TTN: variants seen among roughly 807,000 people sequenced by gnomAD.
The protein encoded by TTN is titin, also known as connectin.
TTN carries 1,525 observed loss-of-function variants against 3,223.0 expected under a neutral mutation model. The ratio of observed to expected loss-of-function variants is 0.47; its 90% CI spans 0.45 to 0.49. The LOEUF (loss-of-function observed/expected upper bound fraction) is 0.49. Ranked by LOEUF, TTN falls within the 20% of genes least tolerant of loss-of-function variation. The pLI, the probability that TTN is intolerant of heterozygous loss-of-function variation, is 0.00. For synonymous variants in TTN, 14,094 were observed against 15,161.0 expected (o/e 0.93, Z 5.17); for missense variants, 40,786 against 43,424.0 (o/e 0.94, Z 5.40).
At chr2:178,629,493 A>G in intron 239 of TTN, 50 bp from the exon 240 acceptor site, 1 of 1,609,126 alleles carries the variant, frequency 6.2e-7, no homozygotes, top group Non-Finnish European at 8.5e-7. Flanking sequence ...TGTAATCCCA[A>G]AAGAATAAAT....
chr2:178,537,763 T>G lies in TTN; in HGVS notation c.99444A>C (p.Lys33148Asn). Residue 33148 changes from lysine to asparagine, a missense_variant, in exon 355 of 363, where the codon AAA becomes AAC. Lys to Asn is a moderately conservative substitution (Grantham distance 94). Transcript: ENST00000589042. ...GKELIQSRKY[K>N]MSSDGRTHTL... Reference sequence around the variant, plus strand: ...TGTGTGTGCGTCCATCTGAAGACATTTTGTATTTCCGGCTTTGTATGAGCT... The same window carrying G: ...TGTGTGTGCGTCCATCTGAAGACATGTTGTATTTCCGGCTTTGTATGAGCT... The G allele has an allele frequency of 6.2e-7, 1 of 1,613,742 alleles. No individual in the cohort carries two copies. The highest frequency in any genetic ancestry group is 8.5e-7 in the Non-Finnish European group (1 of 1,179,738).
chr2:178,550,304 G>T, intron 336 of TTN, 31 bp from the exon 337 acceptor site: 1 of 1,561,740 alleles, frequency 6.4e-7, no homozygotes, highest in Non-Finnish European at 8.7e-7. Flanking sequence ...CTATGTATTA[G>T]TTTGGCTTAA....
Position 178,588,793 on chromosome 2 carries a change from C to T in TTN, c.62932G>A (p.Glu20978Lys). Residue 20978 changes from glutamate to lysine, a missense_variant, in exon 304 of 363, where the codon GAA (glutamate) becomes AAA (lysine). Coordinates refer to ENST00000589042, the MANE Select transcript of TTN (RefSeq NM_001267550.2). ...GGATTCCAAACCACAGTCATCTCTT[C>T]TTTGCTTACTTTAGTGACTTCTGGG... is the stretch of plus-strand genomic sequence containing the variant. Reference protein sequence around the residue: ...DPPEVTKVSKEEMTVVWNPPE... With the variant: ...DPPEVTKVSKKEMTVVWNPPE... 3 of 1,613,318 alleles carry T rather than the reference C, an allele frequency of 1.9e-6. No individual in the cohort carries two copies. Among genetic ancestry groups the T allele is most frequent in the Non-Finnish European group, 2.5e-6 (3 of 1,179,572 alleles).
rs17355460 is a variant in TTN at position 178,725,602 on chromosome 2, C to T, written c.20602G>A (p.Gly6868Arg). ...GATGCTTGTAATTCAGCAGGCTCTC[C>T]GGCTACAACAGTGAGGCTGTTCAGT... Reference protein sequence around the residue: ...SKLNSLTVVAGEPAELQASIE... With the variant: ...SKLNSLTVVAREPAELQASIE... The change falls in exon 71 of 363, where the codon GGA becomes AGA. Residue 6868 changes from glycine (G) to arginine (R), a missense_variant. Physicochemically the swap from Gly to Arg is moderately radical, Grantham distance 125. Coordinates refer to ENST00000589042, the MANE Select transcript of TTN (RefSeq NM_001267550.2). 0.016 allele frequency: 25,358 copies of T among 1,608,306 alleles called. 239 individuals are homozygous for T. Among genetic ancestry groups the T allele is most frequent in the Non-Finnish European group, 0.018 (21,775 of 1,177,092 alleles).
Position 178,580,097 on chromosome 2 carries a change from T to G in TTN, c.67190A>C (p.Glu22397Ala). 1 of 1,613,382 alleles carries G rather than the reference T, an allele frequency of 6.2e-7. No homozygotes were observed. Among genetic ancestry groups the G allele is most frequent in the Non-Finnish European group, 8.5e-7 (1 of 1,179,490 alleles). ...INYVVQKRDAERKSWSTVTTE... is the reference protein window; with the variant it reads ...INYVVQKRDAARKSWSTVTTE... ...TGTCACTGTAGACCAGGATTTCCTC[T>G]CTGCATCACGTTTTTGTACCACATA... The change falls in exon 318 of 363, where the codon GAG becomes GCG. Residue 22397 changes from glutamate (E) to alanine (A), a missense_variant. By Grantham distance (107) the Glu-to-Ala change is moderately radical. Coordinates refer to ENST00000589042, the MANE Select transcript of TTN (RefSeq NM_001267550.2).
intron 47 of TTN, chr2:178,745,013 T>A: frequency 1.0e-6 from 1 of 986,040 alleles, no homozygotes; most frequent in Non-Finnish European, 1.2e-6. Flanking sequence ...TATATTAAGA[T>A]TGAAATGTCA....
In TTN at chr2:178,621,254, T is replaced by C; in HGVS notation, c.45464A>G (p.Asp15155Gly). The part of the protein sequence containing the change: ...KESFPVQWKR[D>G]DKTLESGDKY... Reference sequence around the variant, plus strand: ...ATCTCCAGATTCAAGTGTCTTATCATCCCTCTTCCACTGGACTGGAAAGCT... The same window carrying C: ...ATCTCCAGATTCAAGTGTCTTATCACCCCTCTTCCACTGGACTGGAAAGCT... The change falls in exon 246 of 363, where the codon GAT (aspartate) becomes GGT (glycine). Residue 15155 changes from aspartate (D) to glycine (G), a missense_variant. Physicochemically the swap from Asp to Gly is moderately conservative, Grantham distance 94 (BLOSUM62 -1). Transcript: ENST00000589042. The C allele has an allele frequency of 6.2e-7, 1 of 1,612,350 alleles. No homozygotes were observed. Among genetic ancestry groups the C allele is most frequent in the South Asian group, 1.1e-5 (1 of 91,028 alleles).
intron 37 of TTN, 127 bp downstream of exon 37, chr2:178,769,552 C>T: frequency 1.3e-6 from 1 of 786,890 alleles, no homozygotes; most frequent in Non-Finnish European, 1.8e-6. Flanking sequence ...GCTTGAGCCA[C>T]CCTGCCCACC....
At chr2:178,749,203 A>G (rs544129892) in intron 47 of TTN, 1 of 1,611,050 alleles carries the variant, frequency 6.2e-7, no homozygotes, top group East Asian at 2.2e-5. Context: ...CAAGTTTTCC[A>G]AAATTATTTC....
intron 306 of TTN, 28 bp from the exon 307 acceptor site, chr2:178,587,445 C>G (rs919482145): frequency 6.2e-7 from 1 of 1,600,188 alleles, no homozygotes; most frequent in East Asian, 2.3e-5. Context: ...ATCAGATATA[C>G]ATGTCTCCTC....
chr2:178,537,449 T>C lies in TTN; in HGVS notation c.99758A>G (p.His33253Arg). 2 of 1,613,214 alleles carry C rather than the reference T, an allele frequency of 1.2e-6. No individual in the cohort carries two copies. The highest frequency in any genetic ancestry group is 1.7e-6 in the Non-Finnish European group (2 of 1,179,480). ...ITIENTEHYT[H>R]LVMKNVQRKT... ...ACGTTGGACATTCTTCATGACAAGATGAGTATAGTGCTCAGTGTTTTCAAT... is the reference window on the plus strand; with the variant it reads ...ACGTTGGACATTCTTCATGACAAGACGAGTATAGTGCTCAGTGTTTTCAAT... The change falls in exon 355 of 363, where the codon CAT (histidine) becomes CGT (arginine). Residue 33253 changes from histidine to arginine, a missense_variant. Coordinates refer to ENST00000589042, the MANE Select transcript of TTN (RefSeq NM_001267550.2).
At chr2:178,733,914 A>G in intron 52 of TTN, 22 bp from the exon 53 acceptor site, 1 of 1,549,570 alleles carries the variant, frequency 6.5e-7, no homozygotes, top group African/African-American at 1.4e-5. Flanking sequence ...AAGAGAGCAT[A>G]TAAAACATAT....
chr2:178,729,399 C>G lies in TTN; in HGVS notation c.18757G>C (p.Val6253Leu), dbSNP rs754852812. 33 of 1,613,634 alleles carry G rather than the reference C, an allele frequency of 2.0e-5. No homozygotes were observed. The highest frequency in any genetic ancestry group is 2.7e-5 in the Non-Finnish European group (32 of 1,179,668). The change falls in exon 64 of 363, where the codon GTG becomes CTG. Residue 6253 changes from valine to leucine, a missense_variant. Val to Leu is a conservative substitution (Grantham distance 32, BLOSUM62 1). Coordinates refer to ENST00000589042, the MANE Select transcript of TTN (RefSeq NM_001267550.2). ...CACTTGGTTATATGGAGGTTAAACACAGACACTCTGTCGGTCAATGTGTAT... is the reference window on the plus strand; with the variant it reads ...CACTTGGTTATATGGAGGTTAAACAGAGACACTCTGTCGGTCAATGTGTAT... Reference protein sequence around the residue: ...KKYTLTDRVSVFNLHITKCDP... With the variant: ...KKYTLTDRVSLFNLHITKCDP...
chr2:178,693,940 C>T lies in TTN; in HGVS notation c.31495G>A (p.Glu10499Lys). Residue 10499 changes from glutamate to lysine, a missense_variant, in exon 118 of 363, where the codon GAG (glutamate) becomes AAG (lysine). Physicochemically the swap from Glu to Lys is moderately conservative, Grantham distance 56. Coordinates refer to ENST00000589042, the MANE Select transcript of TTN (RefSeq NM_001267550.2). ...EKMFFASHTE[E>K]EVSVTVPEVQ... ...CTTATACCTGTGACTGACACCTCCT[C>T]CTCTGTGTGAGAAGCAAAGAACATC... 1 of 1,613,088 alleles carries T rather than the reference C, an allele frequency of 6.2e-7. No individual in the cohort carries two copies. Among genetic ancestry groups the T allele is most frequent in the South Asian group, 1.1e-5 (1 of 90,934 alleles).
At chr2:178,588,399 A>T in intron 304 of TTN, 139 bp downstream of exon 304, 2 of 1,226,388 alleles carry the variant, frequency 1.6e-6, no homozygotes, top group Non-Finnish European at 2.2e-6. Flanking sequence ...TATTTTGGTA[A>T]AAGGTCTATT....
intron 212 of TTN, 32 bp downstream of exon 212, chr2:178,649,522 C>G: frequency 6.5e-7 from 1 of 1,539,862 alleles, no homozygotes; most frequent in East Asian, 2.5e-5. Flanking sequence ...AGAATACTTT[C>G]TTTTTTATGA....
Position 178,546,735 on chromosome 2 carries a change from A to G in TTN, c.94693T>C (p.Ser31565Pro). The part of the protein sequence containing the change: ...RWLKCNYTIV[S>P]DNFFTVTALS... ...GCAGTCACGGTGAAGAAATTGTCAG[A>G]TACAATGGTGTAGTTGCACTTCAGC... The change falls in exon 341 of 363, where the codon TCT (serine) becomes CCT (proline). Residue 31565 changes from serine to proline, a missense_variant. Ser to Pro is a moderately conservative substitution (Grantham distance 74). Transcript: ENST00000589042. 6.2e-7 allele frequency: 1 copy of G among 1,613,774 alleles called. No individual in the cohort carries two copies. Among genetic ancestry groups the G allele is most frequent in the Admixed American group, 1.7e-5 (1 of 60,008 alleles).
intron 43 of TTN, among the ~76,000 whole-genome samples, chr2:178,763,453 TCTA>T (rs2089725812): frequency 6.6e-6 from 1 of 152,238 alleles, no homozygotes; most frequent in East Asian, 1.9e-4. Context: ...TTATGGAGTA[TCTA>T]CTATGTATCA....
intron 157 of TTN, among the ~76,000 whole-genome samples, chr2:178,669,944 A>G (rs2066684866): frequency 6.6e-6 from 1 of 151,968 alleles, no homozygotes; most frequent in African/African-American, 2.4e-5. Flanking sequence ...GCTACTTCAG[A>G]AGAGCTTCCA....
Sources: allele counts gnomAD v4.1 joint callset (sites outside exome capture counted in the v4.1 genomes callset), GRCh38; gene constraint gnomAD v4.1.1; transcripts MANE v1.5; gene names NCBI Gene and HGNC (gene_info 2026-07-23, HGNC 2026-07-21).